The following GRID2 variants were observed in gnomAD, a reference collection of about 807,000 sequenced individuals.
GRID2 encodes the protein glutamate ionotropic receptor delta type subunit 2, also known as glutamate receptor ionotropic, delta-2.
In GRID2, 33 loss-of-function variants were observed where a neutral mutation model predicts 114.8. The observed-to-expected ratio is 0.29, with a 90% CI of 0.22 to 0.38. The LOEUF (loss-of-function observed/expected upper bound fraction) is 0.38. GRID2 is among the 10% of genes least tolerant of loss of function. The probability of loss-of-function intolerance (pLI) is 1.00; values close to 1 mark genes in which losing one functional copy is unlikely to be tolerated. For missense variants in GRID2, 1,184 were observed against 1,257.7 expected, an observed-to-expected ratio of 0.94 and a Z score of 0.89; for synonymous variants, 505 against 449.9, an observed-to-expected ratio of 1.12 and a Z score of -1.55.
chr4:93,497,632 T>C (rs540616831), intron 12 of GRID2, among the ~76,000 whole-genome samples: 2 of 151,880 alleles, frequency 1.3e-5, no homozygotes, highest in South Asian at 4.1e-4. Context: ...TGAATTGTTT[T>C]GCACCTTTGT....
chr4:93,776,859 C>T (rs1734380887), downstream of GRID2, among the ~76,000 whole-genome samples: 1 of 152,212 alleles, frequency 6.6e-6, no homozygotes, highest in African/African-American at 2.4e-5. Flanking sequence ...GACTCCTACC[C>T]TTAGGTGTCC....
intron 12 of GRID2, among the ~76,000 whole-genome samples, chr4:93,493,824 A>T (rs757859763): frequency 6.6e-6 from 1 of 151,796 alleles, no homozygotes; most frequent in African/African-American, 2.4e-5. Flanking sequence ...TGCCCAAAGT[A>T]ACTTTGCATT....
chr4:93,702,316 T>C (rs1727583714), intron 14 of GRID2, among the ~76,000 whole-genome samples: 1 of 152,200 alleles, frequency 6.6e-6, no homozygotes, highest in Admixed American at 6.5e-5. Context: ...TTTGGATATC[T>C]GTTTGCAAAT....
At chr4:93,771,554 G>A (rs958900149) in intron 15 of GRID2, among the ~76,000 whole-genome samples, 2 of 152,116 alleles carry the variant, frequency 1.3e-5, no homozygotes, top group African/African-American at 4.8e-5. Context: ...GGCTTACAAG[G>A]AATAACACTT....
At chr4:93,677,913 G>A (rs1207707182) in intron 14 of GRID2, among the ~76,000 whole-genome samples, 10 of 150,900 alleles carry the variant, frequency 6.6e-5, no homozygotes, top group East Asian at 2.0e-4. Flanking sequence ...CACCAGCAAC[G>A]GAACAAAGCT....
chr4:93,234,259 G>T (rs947880775), intron 7 of GRID2, among the ~76,000 whole-genome samples: 1 of 152,032 alleles, frequency 6.6e-6, no homozygotes, highest in African/African-American at 2.4e-5. Context: ...TGATCATAAA[G>T]TAGGTAAACT....
At chr4:92,597,436 A>G (rs186908454) in intron 2 of GRID2, among the ~76,000 whole-genome samples, 104 of 152,250 alleles carry the variant, frequency 6.8e-4, no homozygotes, top group African/African-American at 2.2e-3. Context: ...TCATAATTTT[A>G]TAGCCTTTGT....
intron 2 of GRID2, among the ~76,000 whole-genome samples, chr4:92,713,085 T>C (rs1324858967): frequency 6.6e-6 from 1 of 151,814 alleles, no homozygotes; most frequent in Non-Finnish European, 1.5e-5. Flanking sequence ...CATGTTGGTG[T>C]GCTGCACCCA....
intron 14 of GRID2, among the ~76,000 whole-genome samples, chr4:93,714,115 G>A (rs1040069929): frequency 6.6e-6 from 1 of 151,854 alleles, no homozygotes; most frequent in Non-Finnish European, 1.5e-5. Flanking sequence ...ACAGGCCCCA[G>A]TGTGTGTTGT....
intron 1 of GRID2, among the ~76,000 whole-genome samples, chr4:92,461,045 TTTTAA>T (rs1269294247): frequency 6.6e-6 from 1 of 151,534 alleles, no homozygotes; most frequent in Admixed American, 6.6e-5. Flanking sequence ...CTGTCTATTG[TTTTAA>T]TTTTTAAAGT....
intron 2 of GRID2, among the ~76,000 whole-genome samples, chr4:93,075,553 A>G (rs1364746446): frequency 6.6e-6 from 1 of 152,202 alleles, no homozygotes; most frequent in Admixed American, 6.5e-5. Flanking sequence ...TGCAGATGAC[A>G]TGATTCTCTC....
At chr4:93,061,334 G>T (rs1727790555) in intron 2 of GRID2, among the ~76,000 whole-genome samples, 1 of 151,390 alleles carries the variant, frequency 6.6e-6, no homozygotes, top group South Asian at 2.1e-4. Context: ...GGCTTCACAT[G>T]TCTCTTATTT....
intron 13 of GRID2, among the ~76,000 whole-genome samples, chr4:93,528,071 TTGTGTATATGTGTA>T (rs1373694783): frequency 1.3e-5 from 2 of 152,094 alleles, no homozygotes; most frequent in East Asian, 3.8e-4. Flanking sequence ...TAATATTCTG[TTGTGTATATGTGTA>T]TGTGTATATA....
At chr4:93,087,794 A>G (rs962079885) in intron 3 of GRID2, among the ~76,000 whole-genome samples, 18 of 152,214 alleles carry the variant, frequency 1.2e-4, no homozygotes, top group Admixed American at 1.3e-4. Flanking sequence ...TTTAATACTT[A>G]CAATTAATCT....
At chr4:92,633,477 A>G (rs561463352) in intron 2 of GRID2, among the ~76,000 whole-genome samples, 1 of 152,128 alleles carries the variant, frequency 6.6e-6, no homozygotes. Flanking sequence ...GATAGCAACA[A>G]ATTTTTCATT....
chr4:92,306,040 C>T (rs933238852), intron 1 of GRID2, among the ~76,000 whole-genome samples: 3 of 152,216 alleles, frequency 2.0e-5, no homozygotes, highest in Non-Finnish European at 2.9e-5. Context: ...CATACACACA[C>T]GCACGTACAC....
At chr4:93,482,207 T>G (rs556200004) in intron 11 of GRID2, among the ~76,000 whole-genome samples, 4 of 152,044 alleles carry the variant, frequency 2.6e-5, no homozygotes, top group Non-Finnish European at 5.9e-5. Context: ...CAAAGGATTA[T>G]AAATCATTTT....
intron 2 of GRID2, among the ~76,000 whole-genome samples, chr4:92,700,415 A>ACTAT (rs1171579958): frequency 6.6e-6 from 1 of 152,144 alleles, no homozygotes; most frequent in Non-Finnish European, 1.5e-5. Context: ...ATATTCTAAG[A>ACTAT]CTATCCTAGG....
At chr4:93,246,197 C>T (rs1486012358) in intron 8 of GRID2, among the ~76,000 whole-genome samples, 2 of 152,108 alleles carry the variant, frequency 1.3e-5, no homozygotes, top group African/African-American at 4.8e-5. Flanking sequence ...ATAGTTTAAG[C>T]CCATAATTGG....
Sources: allele counts gnomAD v4.1 joint callset (sites outside exome capture counted in the v4.1 genomes callset), GRCh38; gene constraint gnomAD v4.1.1; transcripts MANE v1.5; gene names NCBI Gene and HGNC (gene_info 2026-07-23, HGNC 2026-07-21).